SLC9A3: variants seen among roughly 807,000 people sequenced by gnomAD.
SLC9A3 encodes the protein sodium/hydrogen exchanger 3.
SLC9A3 carries 37 observed loss-of-function variants against 86.8 expected under a neutral mutation model. That is an observed-to-expected ratio of 0.43 (90% confidence interval 0.33 to 0.56). SLC9A3 has a LOEUF of 0.56. Ranked by LOEUF, SLC9A3 falls within the 20% of genes least tolerant of loss-of-function variation. The pLI is 0.06. For missense variants in SLC9A3, 1,011 were observed against 1,171.9 expected (o/e 0.86, Z 2.00); for synonymous variants, 581 against 528.3 (o/e 1.10, Z -1.37).
At chr5:475,274 G>C (rs903077809) in intron 15 of SLC9A3, 142 bp from the exon 16 acceptor site, 5 of 838,544 alleles carry the variant, frequency 6.0e-6, no homozygotes, top group African/African-American at 1.7e-5. Flanking sequence ...TCAGGTTGCG[G>C]GCCCTTCCCC....
intron 1 of SLC9A3, among the ~76,000 whole-genome samples, chr5:512,235 A>G (rs1733572943): frequency 6.6e-6 from 1 of 152,248 alleles, no homozygotes; most frequent in South Asian, 2.1e-4. Flanking sequence ...ACCAAGAATG[A>G]GACCTAATGT....
intron 10 of SLC9A3, among the ~76,000 whole-genome samples, 199 bp from the exon 11 acceptor site, chr5:477,643 G>A (rs970310680): frequency 1.8e-4 from 27 of 152,228 alleles, no homozygotes; most frequent in Admixed American, 1.2e-3. Context: ...GCCCCTGTCC[G>A]TCTGAGGCCA....
At chr5:501,904 G>A (rs1313037492) in intron 1 of SLC9A3, among the ~76,000 whole-genome samples, 1 of 151,978 alleles carries the variant, frequency 6.6e-6, no homozygotes, top group Non-Finnish European at 1.5e-5. Context: ...CAGGGGAGCC[G>A]GCTCCCGGGG....
At chr5:519,646 C>T (rs1224244457) in intron 1 of SLC9A3, among the ~76,000 whole-genome samples, 3 of 152,138 alleles carry the variant, frequency 2.0e-5, no homozygotes, top group Admixed American at 6.5e-5. Flanking sequence ...ACCTCCTGCA[C>T]CCACCCAGAC....
chr5:483,490 G>GACAGACGCGCCTCAGGA lies in SLC9A3; in HGVS notation c.933-25_933-9dup, dbSNP rs1409082892. The stretch of plus-strand genomic sequence containing the variant: ...ATGCCACAGAAGGTGATGCTGCAGG[G>GACAGACGCGCCTCAGGA]ACAGACGCGCCTCAGGACACGGCCA... On this transcript the variant is annotated splice_polypyrimidine_tract_variant and intron_variant, in intron 5 of 16. Transcript: ENST00000264938. 1 of 1,559,244 alleles carries GACAGACGCGCCTCAGGA rather than the reference G, an allele frequency of 6.4e-7. No homozygotes were observed. Among genetic ancestry groups the GACAGACGCGCCTCAGGA allele is most frequent in the Non-Finnish European group, 8.7e-7 (1 of 1,150,500 alleles).
chr5:506,591 C>G (rs545402226), intron 1 of SLC9A3, among the ~76,000 whole-genome samples: 2 of 152,350 alleles, frequency 1.3e-5, no homozygotes, highest in South Asian at 4.1e-4. Flanking sequence ...TCCCAGGGAC[C>G]TGTCTGGCCA....
chr5:522,926 AG>A (rs1273623429), intron 1 of SLC9A3, among the ~76,000 whole-genome samples: 2 of 152,102 alleles, frequency 1.3e-5, no homozygotes, highest in Non-Finnish European at 2.9e-5. Context: ...AGCCAGCCTC[AG>A]AGACTCCCCC....
chr5:491,404 G>T lies in SLC9A3; in HGVS notation c.514+365C>A, dbSNP rs570280773. On this transcript the variant is annotated intron_variant, in intron 2 of 16. Transcript: ENST00000264938. This position sits in a 1 kb window ranked among gnomAD's most constrained non-coding sequence, Gnocchi z 9.2. ...CGGCACACAGGCTGGGAGGGACGGTGCCCGATACACCAGGCTCTGCAGTCC... is the reference window on the plus strand; with the variant it reads ...CGGCACACAGGCTGGGAGGGACGGTTCCCGATACACCAGGCTCTGCAGTCC... Among the ~76,000 whole-genome samples the T allele has an allele frequency of 1.4e-4, 22 of 152,290 alleles. No homozygotes were observed. In the South Asian group the frequency reaches 2.3e-3, roughly 16 times the overall value.
chr5:511,782 G>T (rs981192294), intron 1 of SLC9A3, among the ~76,000 whole-genome samples: 1 of 152,150 alleles, frequency 6.6e-6, no homozygotes. Context: ...GGTCAGGCCC[G>T]CAGGAGTTGA....
intron 9 of SLC9A3, 102 bp downstream of exon 9, chr5:481,463 A>AGCC (rs1739159527): frequency 9.9e-7 from 1 of 1,010,334 alleles, no homozygotes; most frequent in African/African-American, 1.6e-5. Context: ...CCAAGCCTGG[A>AGCC]CTCAAACAGT....
At chr5:506,708 G>T (rs1740597311) in intron 1 of SLC9A3, among the ~76,000 whole-genome samples, 1 of 152,192 alleles carries the variant, frequency 6.6e-6, no homozygotes, top group Non-Finnish European at 1.5e-5. Flanking sequence ...AGAGAGAGTG[G>T]GTTGACTTTG....
rs749975288 is a variant in SLC9A3, at chr5:496,752, A to G, written c.212-4681T>C. ...AGGAAAAATAAAGGCACTCAATTAA[A>G]TTTTCCTTGAAGGCTGGACTTAGTG... is the stretch of plus-strand genomic sequence containing the variant. On this transcript the variant is annotated intron_variant, in intron 1 of 16. Coordinates refer to ENST00000264938, the MANE Select transcript of SLC9A3 (RefSeq NM_004174.4). This position sits in a 1 kb window ranked among gnomAD's most constrained non-coding sequence, Gnocchi z 4.7. 5.9e-5 allele frequency among the ~76,000 whole-genome samples: 9 copies of G among 152,076 alleles called. No individual in the cohort carries two copies. Among genetic ancestry groups the G allele is most frequent in the Non-Finnish European group, 1.5e-5 (1 of 68,024 alleles).
Position 472,609 on chromosome 5 carries a change from G to A in SLC9A3, c.*770C>T, listed in dbSNP as rs541166318. 7.4e-6 allele frequency: 3 copies of A among 407,974 alleles called. No homozygotes were observed. The highest frequency in any genetic ancestry group is 5.9e-5 in the Admixed American group (2 of 33,928). 25.3% of individuals were successfully genotyped at this position (407,974 alleles called of 1,614,324 possible). A position where few individuals can be genotyped will look rare whatever the true frequency, so the allele number is the denominator to read the frequency against. On this transcript the variant is annotated 3_prime_UTR_variant, in exon 17 of 17. Coordinates refer to ENST00000264938, the MANE Select transcript of SLC9A3 (RefSeq NM_004174.4). Reference sequence around the variant, plus strand: ...AGGACGGAACCTGGGGGGGAAACGGGGCAGGTACTGGCTTTAGGAGTCTAA... The same window carrying A: ...AGGACGGAACCTGGGGGGGAAACGGAGCAGGTACTGGCTTTAGGAGTCTAA...
At chr5:475,936 G>A in intron 14 of SLC9A3, 84 bp downstream of exon 14, 2 of 1,223,454 alleles carry the variant, frequency 1.6e-6, no homozygotes, top group Non-Finnish European at 1.1e-6. Flanking sequence ...AAGGTCCTGA[G>A]AGGGGAGGTT....
At position 496,470 on chromosome 5, in the gene SLC9A3, C is replaced by G. The variant is rs1740026881; in HGVS notation, c.212-4399G>C. Reference sequence around the variant, plus strand: ...TGTCGGCTTGCTCCCCTGCCGGGCACTGATCCTTTCCTATTGACACGAGGT... The same window carrying G: ...TGTCGGCTTGCTCCCCTGCCGGGCAGTGATCCTTTCCTATTGACACGAGGT... On this transcript the variant is annotated intron_variant, in intron 1 of 16. Transcript: ENST00000264938. This position sits in a 1 kb window ranked among gnomAD's most constrained non-coding sequence, Gnocchi z 4.7. Among the ~76,000 whole-genome samples, 2 of 152,264 alleles carry G rather than the reference C, an allele frequency of 1.3e-5. No individual in the cohort carries two copies. The highest frequency in any genetic ancestry group is 2.9e-5 in the Non-Finnish European group (2 of 68,042).
intron 2 of SLC9A3, among the ~76,000 whole-genome samples, chr5:490,722 G>T (rs1335300335): frequency 6.6e-6 from 1 of 152,212 alleles, no homozygotes; most frequent in Admixed American, 6.5e-5. Flanking sequence ...GCTTTCCCTT[G>T]GGTGCGGTGG....
chr5:524,084 C>T (rs948537857), intron 1 of SLC9A3, 28 bp downstream of exon 1: 3 of 1,435,686 alleles, frequency 2.1e-6, no homozygotes, highest in Non-Finnish European at 2.8e-6. Flanking sequence ...ACCCCGCGGG[C>T]AGATCCGGAG....
intron 2 of SLC9A3, among the ~76,000 whole-genome samples, chr5:489,981 C>T (rs1321368424): frequency 6.6e-6 from 1 of 152,244 alleles, no homozygotes; most frequent in African/African-American, 2.4e-5. Context: ...CGGACAGCCC[C>T]CGGGCCAGCA....
chr5:476,703 G>C (rs974488742), intron 11 of SLC9A3, 31 bp from the exon 12 acceptor site: 1 of 1,597,198 alleles, frequency 6.3e-7, no homozygotes, highest in Non-Finnish European at 8.5e-7. Context: ...AGCCATACAG[G>C]CTCCCTCAGG....
Sources: gnomAD v4.1 joint callset for allele counts (sites outside exome capture counted in the v4.1 genomes callset) on GRCh38, gnomAD v4.1.1 for gene constraint, Gnocchi (gnomAD v3.1) non-coding constraint, MANE v1.5 for transcripts, NCBI Gene and HGNC (gene_info 2026-07-23, HGNC 2026-07-21) for gene names.